PCDHA6: variants seen among roughly 807,000 people sequenced by gnomAD.
PCDHA6 encodes protocadherin alpha 6.
Under a neutral mutation model 60.3 loss-of-function variants are expected in PCDHA6, and 55 were observed. The ratio of observed to expected loss-of-function variants is 0.91; its 90% CI spans 0.73 to 1.14. The LOEUF is 1.14. Ranked by LOEUF, PCDHA6 falls within the 50% of genes most tolerant of loss-of-function variation. The pLI, the probability that PCDHA6 is intolerant of heterozygous loss-of-function variation, is 0.00. For synonymous variants in PCDHA6, 652 were observed against 557.9 expected, an observed-to-expected ratio of 1.17 and a Z score of -2.38; for missense variants, 1,327 against 1,256.5, an observed-to-expected ratio of 1.06 and a Z score of -0.85.
rs2150368778 is a variant in PCDHA6 at position 140,844,097 on chromosome 5, C to T, written c.2394+13612C>T. ...CTTAGGCACTGAACTCTTAATCTTA[C>T]TCCATATGCTGTACTTTGAAATGCA... On this transcript the variant is annotated intron_variant, in intron 1 of 3. Coordinates refer to ENST00000529310, the MANE Select transcript of PCDHA6 (RefSeq NM_018909.4). 8.7e-5 allele frequency among the ~76,000 whole-genome samples: 13 copies of T among 149,676 alleles called. No individual in the cohort carries two copies. In the East Asian group the frequency reaches 1.9e-3, roughly 22 times the overall value.
chr5:140,993,380 C>G (rs1304300325), intron 3 of PCDHA6, among the ~76,000 whole-genome samples: 1 of 151,860 alleles, frequency 6.6e-6, no homozygotes, highest in Non-Finnish European at 1.5e-5. Context: ...CCAGCCGGGT[C>G]CCTGAAACTC....
At chr5:140,998,722 G>A (rs572133347) in intron 3 of PCDHA6, among the ~76,000 whole-genome samples, 4 of 152,002 alleles carry the variant, frequency 2.6e-5, no homozygotes, top group Non-Finnish European at 4.4e-5. Flanking sequence ...GCACCACCAC[G>A]CTAGGCTAAT....
chr5:140,841,974 G>A (rs1777620025), intron 1 of PCDHA6: 1 of 1,613,872 alleles, frequency 6.2e-7, no homozygotes, highest in South Asian at 1.1e-5. Context: ...ACAGATGGGG[G>A]CAAACCTGAG....
chr5:140,876,511 G>A lies in PCDHA6; in HGVS notation c.2394+46026G>A, dbSNP rs559810221. 2.4e-4 allele frequency: 380 copies of A among 1,614,076 alleles called. 4 individuals carry two copies. The South Asian group carries it at 3.9e-3, about 16-fold the overall frequency. ...GGAAGTTCTGGACGTGAATGACAATGTCCCTGAAGTAATGGTTACTTCACT... is the reference window on the plus strand; with the variant it reads ...GGAAGTTCTGGACGTGAATGACAATATCCCTGAAGTAATGGTTACTTCACT... On this transcript the variant is annotated intron_variant, in intron 1 of 3. Coordinates refer to ENST00000529310, the MANE Select transcript of PCDHA6 (RefSeq NM_018909.4).
intron 1 of PCDHA6, among the ~76,000 whole-genome samples, chr5:140,978,124 G>A (rs1554239035): frequency 6.6e-6 from 1 of 152,140 alleles, no homozygotes; most frequent in East Asian, 1.9e-4. Context: ...GTCTTTAGGT[G>A]CCCATATTTT....
chr5:140,941,191 TTTTCTTTCTTCCTTTCTTTCTTCC>T (rs1293685535), intron 1 of PCDHA6, among the ~76,000 whole-genome samples: 31 of 93,206 alleles, frequency 3.3e-4, no homozygotes, highest in African/African-American at 1.1e-3. Context: ...GCTTCTTTTT[TTTTCTTTCTTCCTTTCTTTCTTCC>T]TTTCTTTCTT....
At chr5:140,926,650 T>G (rs1014447499) in intron 1 of PCDHA6, 13 of 487,778 alleles carry the variant, frequency 2.7e-5, no homozygotes, top group Middle Eastern at 5.5e-4. Flanking sequence ...CCCGGCCGGC[T>G]CCGCTTTCCC....
At chr5:140,966,758 C>T in intron 1 of PCDHA6, 1 of 1,445,334 alleles carries the variant, frequency 6.9e-7, no homozygotes, top group South Asian at 1.5e-5. Flanking sequence ...TCCGCCGCGG[C>T]CAGTGGCTAT....
At chr5:140,834,129 A>G in intron 1 of PCDHA6, 1 of 450,824 alleles carries the variant, frequency 2.2e-6, no homozygotes, top group Non-Finnish European at 3.9e-6. Context: ...AAAACTTTTC[A>G]TCTGATTAAT....
At chr5:140,967,428 C>T (rs782709354) in intron 1 of PCDHA6, 2 of 1,613,402 alleles carry the variant, frequency 1.2e-6, no homozygotes, top group East Asian at 4.5e-5. Context: ...GAGCAGGCAG[C>T]CTTGCACCAC....
At chr5:140,927,265 C>T in intron 1 of PCDHA6, 1 of 1,614,168 alleles carries the variant, frequency 6.2e-7, no homozygotes. Context: ...ACCTCTCTTT[C>T]CTGCCGGCGA....
chr5:141,002,853 G>C (rs781830862), intron 3 of PCDHA6, among the ~76,000 whole-genome samples: 1 of 152,184 alleles, frequency 6.6e-6, no homozygotes, highest in Non-Finnish European at 1.5e-5. Context: ...ACTAGTGAGA[G>C]AACCAGGGCA....
intron 1 of PCDHA6, chr5:140,966,881 C>A: frequency 6.3e-7 from 1 of 1,589,072 alleles, no homozygotes. Context: ...GCTACCTGGC[C>A]CTGCGGCCTC....
At chr5:140,977,599 AC>A (rs782213571) in intron 1 of PCDHA6, among the ~76,000 whole-genome samples, 1 of 152,150 alleles carries the variant, frequency 6.6e-6, no homozygotes, top group Non-Finnish European at 1.5e-5. Context: ...GCATGTGAGG[AC>A]CATTGAGGTA....
intron 1 of PCDHA6, among the ~76,000 whole-genome samples, chr5:140,894,258 G>T (rs2153446538): frequency 6.6e-6 from 1 of 151,918 alleles, no homozygotes; most frequent in South Asian, 2.1e-4. Flanking sequence ...TTCTTTACAA[G>T]TGGTAGCTTA....
In PCDHA6 at chr5:140,829,004, C is replaced by T. The variant is rs2150161840; in HGVS notation, c.913C>T (p.Arg305Trp). 4.3e-6 allele frequency: 7 copies of T among 1,613,616 alleles called. No individual in the cohort carries two copies. The highest frequency in any genetic ancestry group is 4.0e-5 in the African/African-American group (3 of 74,888). Residue 305 changes from arginine to tryptophan, a missense_variant, in exon 1 of 4, where the codon CGG becomes TGG. Coordinates refer to ENST00000529310, the MANE Select transcript of PCDHA6 (RefSeq NM_018909.4). The part of the protein sequence containing the change: ...IDRNTGEIVI[R>W]GNLDFEQENL... ...TCGAAATACGGGAGAAATAGTGATT[C>T]GGGGTAATTTGGATTTTGAACAAGA... is the stretch of plus-strand genomic sequence containing the variant.
chr5:140,971,488 A>G (rs17119328), intron 1 of PCDHA6, among the ~76,000 whole-genome samples: 1 of 152,104 alleles, frequency 6.6e-6, no homozygotes, highest in African/African-American at 2.4e-5. Flanking sequence ...ACATTGTTAC[A>G]GTGTGGCAAG....
intron 1 of PCDHA6, among the ~76,000 whole-genome samples, chr5:140,960,004 A>C (rs2095521827): frequency 6.6e-6 from 1 of 152,216 alleles, no homozygotes; most frequent in Non-Finnish European, 1.5e-5. Context: ...ATACAAATCT[A>C]TTTTGCATCA....
At chr5:140,924,732 T>TA (rs1333846222) in intron 1 of PCDHA6, among the ~76,000 whole-genome samples, 2 of 151,706 alleles carry the variant, frequency 1.3e-5, no homozygotes, top group African/African-American at 4.8e-5. Flanking sequence ...TCACCTCTAA[T>TA]AAAAATACAA....
Sources: gnomAD v4.1 joint callset for allele counts (sites outside exome capture counted in the v4.1 genomes callset) on GRCh38, gnomAD v4.1.1 for gene constraint, MANE v1.5 for transcripts, NCBI Gene and HGNC (gene_info 2026-07-23, HGNC 2026-07-21) for gene names.